DMPK: variants seen among roughly 807,000 people sequenced by gnomAD.
DMPK encodes myotonin-protein kinase.
DMPK carries 32 observed loss-of-function variants against 70.3 expected under a neutral mutation model. The observed-to-expected ratio is 0.46, with a 90% confidence interval of 0.34 to 0.61. The LOEUF (loss-of-function observed/expected upper bound fraction) is 0.61, where lower values mean the gene tolerates loss of function less well. Ranked by LOEUF, DMPK falls within the 20% of genes least tolerant of loss-of-function variation. The probability of loss-of-function intolerance (pLI) is 0.01; values close to 1 mark genes in which losing one functional copy is unlikely to be tolerated. For missense variants in DMPK, 899 were observed against 886.0 expected (o/e 1.01, Z -0.19); for synonymous variants, 469 against 390.9 (o/e 1.20, Z -2.36).
intron 10 of DMPK, 156 bp downstream of exon 10, chr19:45,772,485 C>T: frequency 3.8e-6 from 2 of 531,084 alleles, no homozygotes; most frequent in East Asian, 3.6e-5. Flanking sequence ...ACTACAGAGA[C>T]CGTCCCATGT....
chr19:45,772,013 GT>G, intron 10 of DMPK, 85 bp from the exon 11 acceptor site: 1 of 1,448,458 alleles, frequency 6.9e-7, no homozygotes, highest in Non-Finnish European at 9.1e-7. Flanking sequence ...AGGAATCCTT[GT>G]TTATCCCCTA....
chr19:45,772,973 TG>T (rs1179917532), intron 9 of DMPK, among the ~76,000 whole-genome samples: 2 of 152,216 alleles, frequency 1.3e-5, no homozygotes, highest in Non-Finnish European at 2.9e-5. Flanking sequence ...CCCTGGGAGC[TG>T]CTCTTTCTAA....
rs1568574369 is a variant in DMPK at position 45,771,881 on chromosome 19, G to GGCC, written c.1389_1391dup (p.Ala464dup). ...CCTGGAGCTCCCGCAGCGTCACCTC[G>GGCC]GCCTCAGCCTCTGCCGCAGGGACAG... On this transcript the variant is annotated inframe_insertion, in exon 11 of 15. Transcript: ENST00000291270. The GGCC allele has an allele frequency of 1.3e-6, 2 of 1,593,752 alleles. No individual in the cohort carries two copies. The highest frequency in any genetic ancestry group is 2.3e-5 in the South Asian group (2 of 88,050).
At position 45,770,096 on chromosome 19, in the gene DMPK, G is replaced by A. The variant is rs1969246337; in HGVS notation, c.*392C>T. The A allele has an allele frequency of 3.6e-6, 2 of 561,450 alleles. No individual in the cohort carries two copies. The highest frequency in any genetic ancestry group is 3.8e-5 in the African/African-American group (2 of 51,978). 34.8% of individuals were successfully genotyped at this position (561,450 alleles called of 1,614,324 possible). A position where few individuals can be genotyped will look rare whatever the true frequency, so the allele number is the denominator to read the frequency against. On this transcript the variant is annotated 3_prime_UTR_variant, in exon 15 of 15. Transcript: ENST00000291270. ...AACCAACGATAGGTGGGGGTGCGTG[G>A]AGGATGGAACACGGACGGCCCGGCT... is the stretch of plus-strand genomic sequence containing the variant.
At chr19:45,779,222 G>A (rs1406792436) in intron 4 of DMPK, 42 bp downstream of exon 4, 1 of 1,588,930 alleles carries the variant, frequency 6.3e-7, no homozygotes, top group Admixed American at 1.7e-5. Flanking sequence ...TGACAGCACG[G>A]GCTCTTGTCC....
intron 10 of DMPK, 124 bp downstream of exon 10, chr19:45,772,517 G>A (rs757525597): frequency 2.1e-4 from 121 of 582,832 alleles, no homozygotes; most frequent in Non-Finnish European, 2.9e-4. Flanking sequence ...TCGTCTCTCC[G>A]TGGTTTCTGT....
In DMPK at chr19:45,771,643, G is replaced by C; in HGVS notation, c.1525C>G (p.Arg509Gly). 6.2e-7 allele frequency: 1 copy of C among 1,614,014 alleles called. No individual in the cohort carries two copies. Among genetic ancestry groups the C allele is most frequent in the Non-Finnish European group, 8.5e-7 (1 of 1,179,950 alleles). ...FASQLREAEA[R>G]NRDLEAHVRQ... ...ACGTGTGCCTCTAGGTCCCGGTTCCGAGCCTCTGCCTCGCGTAGTTGACTG... is the reference window on the plus strand; with the variant it reads ...ACGTGTGCCTCTAGGTCCCGGTTCCCAGCCTCTGCCTCGCGTAGTTGACTG... Residue 509 changes from arginine (R) to glycine (G), a missense_variant, in exon 12 of 15, where the codon CGG becomes GGG. This residue lies in a region of DMPK where 555 missense variants were observed against 483.8 expected (regional missense o/e 1.15). Coordinates refer to ENST00000291270, the MANE Select transcript of DMPK (RefSeq NM_004409.5).
At chr19:45,778,325 G>A in intron 5 of DMPK, 105 bp from the exon 6 acceptor site, 2 of 1,385,474 alleles carry the variant, frequency 1.4e-6, no homozygotes, top group East Asian at 5.0e-5. Context: ...ACTTCCTCGG[G>A]TTCCGCCCCT....
Position 45,771,570 on chromosome 19 carries a change from G to A in DMPK, c.1598C>T (p.Thr533Ile), listed in dbSNP as rs139499893. The A allele has an allele frequency of 3.2e-5, 52 of 1,613,890 alleles. No homozygotes were observed. Among genetic ancestry groups the A allele is most frequent in the African/African-American group, 8.0e-5 (6 of 74,928 alleles). The stretch of plus-strand genomic sequence containing the variant: ...AAGGGGACACATGAGGGACTCACCT[G>A]TGGCTCCCTCTGCCTGCAGCAACTC... ...RMELLQAEGA[T>I]AVTGVPSPRA... The change falls in exon 12 of 15, where the codon ACA becomes ATA. Residue 533 changes from threonine to isoleucine, a missense_variant and splice_region_variant. Transcript: ENST00000291270.
intron 14 of DMPK, 103 bp from the exon 15 acceptor site, chr19:45,770,743 C>T: frequency 6.8e-6 from 9 of 1,320,874 alleles, no homozygotes; most frequent in Non-Finnish European, 7.2e-6. Context: ...TTCCCTGCGC[C>T]CCGCCCCCGC....
chr19:45,771,013 C>A lies in DMPK; in HGVS notation c.1695G>T (p.Gly565=). ...AVAVGQCPLV[G]PGPMHRRHLL... ...GGTGGCGGCGGTGCATGGGGCCTGG[C>A]CCCACCAGCGGGCACTGGCCCACAG... Residue 565 remains glycine (G), a synonymous_variant, in exon 14 of 15, where the codon GGG becomes GGT. Coordinates refer to ENST00000291270, the MANE Select transcript of DMPK (RefSeq NM_004409.5). 1 of 1,475,842 alleles carries A rather than the reference C, an allele frequency of 6.8e-7. No individual in the cohort carries two copies. Among genetic ancestry groups the A allele is most frequent in the Middle Eastern group, 1.9e-4 (1 of 5,226 alleles). 91.4% of individuals were successfully genotyped at this position (1,475,842 alleles called of 1,614,324 possible).
At chr19:45,778,049 C>T in intron 6 of DMPK, 78 bp downstream of exon 6, 3 of 1,353,666 alleles carry the variant, frequency 2.2e-6, no homozygotes, top group Non-Finnish European at 3.1e-6. Flanking sequence ...CCTCCAAATC[C>T]AGTCCCGCTC....
At chr19:45,773,982 G>A (rs1263013782) in intron 9 of DMPK, among the ~76,000 whole-genome samples, 2 of 138,082 alleles carry the variant, frequency 1.4e-5, no homozygotes, top group Admixed American at 1.5e-4. Context: ...TTGAGATGAA[G>A]TTTCACTCTT....
intron 1 of DMPK, 138 bp from the exon 2 acceptor site, chr19:45,780,007 C>A: frequency 1.9e-6 from 3 of 1,555,320 alleles, no homozygotes; most frequent in Non-Finnish European, 2.6e-6. Context: ...TTCCCAGGGG[C>A]TTCCCCACAT....
Position 45,771,876 on chromosome 19 carries a change from ACCTCGG to A in DMPK, c.1391_1396del (p.Ala464_Glu465del), listed in dbSNP as rs1333946396. On this transcript the variant is annotated inframe_deletion, in exon 11 of 15. Coordinates refer to ENST00000291270, the MANE Select transcript of DMPK (RefSeq NM_004409.5). ...GGCTTCCTGGAGCTCCCGCAGCGTC[ACCTCGG>A]CCTCAGCCTCTGCCGCAGGGACAGC... is the stretch of plus-strand genomic sequence containing the variant. 6.3e-7 allele frequency: 1 copy of A among 1,588,834 alleles called. No individual in the cohort carries two copies. Among genetic ancestry groups the A allele is most frequent in the African/African-American group, 1.3e-5 (1 of 74,180 alleles).
rs764218817 is a variant in DMPK at position 45,772,699 on chromosome 19, A to G, written c.1286T>C (p.Leu429Pro). The stretch of plus-strand genomic sequence containing the variant: ...GCTGGGCGCTTGCACGTGTGGCTCA[A>G]GCAGCTGCTCGGCCTCCAGTTCCAT... Reference protein sequence around the residue: ...TPMELEAEQLLEPHVQAPSLE... With the variant: ...TPMELEAEQLPEPHVQAPSLE... Residue 429 changes from leucine (L) to proline (P), a missense_variant, in exon 10 of 15, where the codon CTT (leucine) becomes CCT (proline). Physicochemically the swap from Leu to Pro is moderately conservative, Grantham distance 98 (BLOSUM62 -3). This residue lies in a region of DMPK where 555 missense variants were observed against 483.8 expected (regional missense o/e 1.15). Transcript: ENST00000291270. 6 of 1,524,102 alleles carry G rather than the reference A, an allele frequency of 3.9e-6. No homozygotes were observed. The highest frequency in any genetic ancestry group is 1.5e-5 in the African/African-American group (1 of 68,500). The allele number at this position is 1,524,102 out of a possible 1,614,324, so 94.4% of individuals were successfully genotyped here.
chr19:45,770,347 C>T lies in DMPK; in HGVS notation c.*141G>A, dbSNP rs957957238. On this transcript the variant is annotated 3_prime_UTR_variant, in exon 15 of 15. Transcript: ENST00000291270. Reference sequence around the variant, plus strand: ...CCCTCCCCGGCCGCTAGGGGGCGGGCCCGGATCACAGGACTGGAGCTGGGC... The same window carrying T: ...CCCTCCCCGGCCGCTAGGGGGCGGGTCCGGATCACAGGACTGGAGCTGGGC... The T allele has an allele frequency of 6.6e-6, 8 of 1,212,444 alleles. No homozygotes were observed. In the African/African-American group the frequency reaches 1.1e-4, roughly 16 times the overall value. 75.1% of individuals were successfully genotyped at this position (1,212,444 alleles called of 1,614,324 possible).
chr19:45,776,134 A>ATTT lies in DMPK; in HGVS notation c.1147-1103_1147-1101dup, dbSNP rs534946812. Among the ~76,000 whole-genome samples the ATTT allele has an allele frequency of 3.0e-3, 145 of 48,340 alleles. 20 individuals are homozygous for ATTT. The highest frequency in any genetic ancestry group is 4.0e-3 in the African/African-American group (48 of 11,950). The allele number at this position is 48,340 out of a possible 152,430, so 31.7% of individuals were successfully genotyped here. A position where few individuals can be genotyped will look rare whatever the true frequency, so the allele number is the denominator to read the frequency against. ...ACAGCGCCCGGCCGCGGTCCAGCCT[A>ATTT]TTTTTTTTTTTTTTTTTTTTTTTTT... On this transcript the variant is annotated intron_variant, in intron 8 of 14. Coordinates refer to ENST00000291270, the MANE Select transcript of DMPK (RefSeq NM_004409.5).
At chr19:45,778,873 C>A (rs898472953) in intron 4 of DMPK, 3 of 561,310 alleles carry the variant, frequency 5.3e-6, no homozygotes, top group Non-Finnish European at 9.4e-6. Context: ...TGTCACTGGG[C>A]AGATTCACTC....
Sources: gnomAD v4.1 joint callset for allele counts (sites outside exome capture counted in the v4.1 genomes callset) on GRCh38, gnomAD v4.1.1 for gene constraint, gnomAD v4.1.1 regional missense constraint, MANE v1.5 for transcripts, NCBI Gene and HGNC (gene_info 2026-07-23, HGNC 2026-07-21) for gene names.